Variants in ERBB4 observed in about 807,000 individuals in gnomAD.
ERBB4 encodes the protein erb-b2 receptor tyrosine kinase 4, also known as receptor tyrosine-protein kinase erbB-4.
A neutral mutation model predicts 158.0 loss-of-function variants in ERBB4; 42 were observed. The ratio of observed to expected loss-of-function variants is 0.27; its 90% CI spans 0.21 to 0.34. The LOEUF (loss-of-function observed/expected upper bound fraction) is 0.34. Among genes scored for constraint, ERBB4 ranks in the 10% least tolerant of loss-of-function variants. ERBB4 has a pLI of 1.00. For synonymous variants in ERBB4, 583 were observed against 558.7 expected, an observed-to-expected ratio of 1.04 and a Z score of -0.61; for missense variants, 1,333 against 1,624.1, an observed-to-expected ratio of 0.82 and a Z score of 3.08.
intron 14 of ERBB4, among the ~76,000 whole-genome samples, chr2:211,672,595 C>A (rs531883975): frequency 6.6e-6 from 1 of 152,290 alleles, no homozygotes; most frequent in South Asian, 2.1e-4. Context: ...GTACTTGTCT[C>A]CTTCTTTCCA....
intron 3 of ERBB4, among the ~76,000 whole-genome samples, chr2:211,946,393 C>T (rs1218084210): frequency 6.6e-6 from 1 of 151,800 alleles, no homozygotes; most frequent in Admixed American, 6.6e-5. Flanking sequence ...ATTCTAAGGA[C>T]ATATCTCTAA....
intron 3 of ERBB4, among the ~76,000 whole-genome samples, chr2:211,859,516 T>C (rs7564307): frequency 0.83 from 126,302 of 152,146 alleles, 52,626 homozygotes; most frequent in Non-Finnish European, 0.86. Context: ...CTTTAAAAGA[T>C]GTGTTATGTT....
At chr2:212,463,058 CTTATG>C (rs573916472) in intron 1 of ERBB4, among the ~76,000 whole-genome samples, 6 of 152,016 alleles carry the variant, frequency 3.9e-5, no homozygotes, top group Admixed American at 1.3e-4. Flanking sequence ...AAAAGTTGAT[CTTATG>C]TTAAGTATAG....
chr2:212,308,426 C>T (rs2086895812), intron 1 of ERBB4, among the ~76,000 whole-genome samples: 1 of 150,952 alleles, frequency 6.6e-6, no homozygotes, highest in African/African-American at 2.4e-5. Context: ...ACATTTAGAA[C>T]TGGCATTTTC....
intron 19 of ERBB4, among the ~76,000 whole-genome samples, chr2:211,573,858 G>A (rs919220168): frequency 5.3e-5 from 8 of 152,120 alleles, no homozygotes; most frequent in Admixed American, 2.6e-4. Context: ...AAGGTGAGCT[G>A]AAATATTGTT....
At chr2:211,673,382 G>A (rs978945992) in intron 13 of ERBB4, 125 bp from the exon 14 acceptor site, 6 of 729,142 alleles carry the variant, frequency 8.2e-6, no homozygotes, top group Admixed American at 8.0e-5. Context: ...TATGTGCCAG[G>A]AGCATCAGAA....
chr2:211,658,543 C>T (rs1353441813), intron 15 of ERBB4, among the ~76,000 whole-genome samples: 3 of 152,008 alleles, frequency 2.0e-5, no homozygotes, highest in African/African-American at 7.2e-5. Flanking sequence ...CTTGGTTGTG[C>T]CTGTCTTTAA....
intron 1 of ERBB4, among the ~76,000 whole-genome samples, chr2:212,385,836 A>G (rs2090657472): frequency 6.6e-6 from 1 of 151,952 alleles, no homozygotes; most frequent in Non-Finnish European, 1.5e-5. Flanking sequence ...TATATATTGA[A>G]CATTTTTATT....
intron 1 of ERBB4, among the ~76,000 whole-genome samples, chr2:212,474,839 T>TTTTTTTTTTG (rs1245995165): frequency 0.024 from 3,194 of 135,846 alleles, 274 homozygotes; most frequent in African/African-American, 0.1. Flanking sequence ...TTTTTTTTTT[T>TTTTTTTTTTG]TGTCAAGACA....
At chr2:212,417,241 T>C (rs1008381752) in intron 1 of ERBB4, among the ~76,000 whole-genome samples, 19 of 152,056 alleles carry the variant, frequency 1.2e-4, no homozygotes, top group Non-Finnish European at 1.2e-4. Flanking sequence ...TAGTCATAAG[T>C]ATTTGTGGCA....
In ERBB4 at chr2:212,489,385, G is replaced by C. The variant is rs116048605; in HGVS notation, c.82+49064C>G. On this transcript the variant is annotated intron_variant, in intron 1 of 27. Transcript: ENST00000342788. ...ACTAAATAAGAAGGATACTTACCAA[G>C]AGAACCCTACTAACCAAGACTCAAG... Among the ~76,000 whole-genome samples, 1,316 of 151,992 alleles carry C rather than the reference G, an allele frequency of 8.7e-3. 8 individuals are homozygous for C. Among genetic ancestry groups the C allele is most frequent in the Non-Finnish European group, 0.013 (910 of 67,898 alleles).
intron 1 of ERBB4, among the ~76,000 whole-genome samples, chr2:212,360,007 G>A (rs563651873): frequency 6.6e-6 from 1 of 151,708 alleles, no homozygotes; most frequent in African/African-American, 2.4e-5. Flanking sequence ...CAGAATCAGA[G>A]AATATCACAT....
At chr2:212,520,375 G>C (rs1270025548) in intron 1 of ERBB4, among the ~76,000 whole-genome samples, 2 of 151,868 alleles carry the variant, frequency 1.3e-5, no homozygotes, top group Non-Finnish European at 2.9e-5. Context: ...TTATTTGCAT[G>C]TAAAAATTAT....
intron 1 of ERBB4, among the ~76,000 whole-genome samples, chr2:212,236,644 A>G (rs1488121759): frequency 2.0e-5 from 3 of 152,096 alleles, no homozygotes; most frequent in African/African-American, 7.2e-5. Context: ...CAATTTCAGA[A>G]CTTGTTATCA....
intron 1 of ERBB4, among the ~76,000 whole-genome samples, chr2:212,344,672 T>C (rs1363820308): frequency 6.6e-6 from 1 of 152,134 alleles, no homozygotes; most frequent in East Asian, 1.9e-4. Context: ...TTATTTCAAC[T>C]CTAAAAGTCC....
chr2:212,280,517 A>G (rs542059204), intron 1 of ERBB4, among the ~76,000 whole-genome samples: 2 of 151,820 alleles, frequency 1.3e-5, no homozygotes, highest in Admixed American at 6.6e-5. Flanking sequence ...AATTTTTTAT[A>G]TACAAATTAA....
chr2:212,305,849 A>G (rs12992098), intron 1 of ERBB4, among the ~76,000 whole-genome samples: 1 of 151,456 alleles, frequency 6.6e-6, no homozygotes, highest in African/African-American at 2.4e-5. Flanking sequence ...CACAAACTTA[A>G]TGAATTTTAA....
intron 20 of ERBB4, among the ~76,000 whole-genome samples, chr2:211,532,524 T>C (rs2066528482): frequency 6.6e-6 from 1 of 151,988 alleles, no homozygotes; most frequent in South Asian, 2.1e-4. Context: ...ATAGCAGTTA[T>C]AGAGAATCTG....
intron 20 of ERBB4, among the ~76,000 whole-genome samples, chr2:211,488,188 G>T (rs1441198771): frequency 6.6e-6 from 1 of 151,984 alleles, no homozygotes; most frequent in South Asian, 2.1e-4. Context: ...CCCCCAGCAT[G>T]TACACTTCCA....
Sources: gnomAD v4.1 joint callset for allele counts (sites outside exome capture counted in the v4.1 genomes callset) on GRCh38, gnomAD v4.1.1 for gene constraint, MANE v1.5 for transcripts, NCBI Gene and HGNC (gene_info 2026-07-23, HGNC 2026-07-21) for gene names.